Variants in EFEMP2 observed in about 807,000 individuals in gnomAD.
EFEMP2 encodes EGF-containing fibulin-like extracellular matrix protein 2.
In EFEMP2, 21 loss-of-function variants were observed where a neutral mutation model predicts 55.3. The observed-to-expected ratio is 0.38, with a 90% CI of 0.27 to 0.55. The LOEUF is 0.55. Among genes scored for constraint, EFEMP2 ranks in the 20% least tolerant of loss-of-function variants. The pLI, the probability that EFEMP2 is intolerant of heterozygous loss-of-function variation, is 0.77. For synonymous variants in EFEMP2, 275 were observed against 242.3 expected (o/e 1.14, Z -1.25); for missense variants, 513 against 615.1 (o/e 0.83, Z 1.76).
intron 1 of EFEMP2, 77 bp from the exon 2 acceptor site, chr11:65,872,438 C>T: frequency 4.8e-6 from 5 of 1,037,024 alleles, no homozygotes; most frequent in East Asian, 2.6e-5. Context: ...CCGAGCCCAG[C>T]CCCCGCCACT....
chr11:65,867,358 T>C (rs1859871428), intron 10 of EFEMP2: 3 of 534,170 alleles, frequency 5.6e-6, no homozygotes, highest in Non-Finnish European at 6.8e-6. Flanking sequence ...ATGTGGCTCT[T>C]GGGACTGGTG....
intron 10 of EFEMP2, chr11:65,867,356 C>G (rs980476297): frequency 1.9e-6 from 1 of 540,438 alleles, no homozygotes; most frequent in Admixed American, 3.1e-5. Flanking sequence ...ACATGTGGCT[C>G]TTGGGACTGG....
intron 3 of EFEMP2, 98 bp downstream of exon 3, chr11:65,871,872 T>C (rs1184253407): frequency 1.4e-6 from 2 of 1,454,758 alleles, no homozygotes; most frequent in Non-Finnish European, 1.9e-6. Context: ...GCTGCTGGGC[T>C]CCCACGGCAG....
At chr11:65,867,428 A>G in intron 10 of EFEMP2, 1 of 438,300 alleles carries the variant, frequency 2.3e-6, no homozygotes, top group Admixed American at 3.6e-5. Context: ...TCAAAAAGAA[A>G]GAGAAGGGCT....
At chr11:65,868,673 T>A (rs1390540040) in intron 7 of EFEMP2, 44 bp from the exon 8 acceptor site, 1 of 1,612,068 alleles carries the variant, frequency 6.2e-7, no homozygotes, top group Non-Finnish European at 8.5e-7. Flanking sequence ...AGGGCATTCC[T>A]CACCATTCAG....
chr11:65,869,542 C>A, intron 7 of EFEMP2: 1 of 409,290 alleles, frequency 2.4e-6, no homozygotes, highest in South Asian at 2.1e-5. Context: ...GAAACAGGCT[C>A]AGAGAGGAGT....
rs118107504 is a variant in EFEMP2, at chr11:65,868,248, C to T, written c.974+47G>A. The stretch of plus-strand genomic sequence containing the variant: ...TAGATGCCAGTCAGCCCCAAAGCCC[C>T]CTGGGAGACGTAGTTTCTGTGGGGG... On this transcript the variant is annotated intron_variant, in intron 9 of 10. Coordinates refer to ENST00000307998, the MANE Select transcript of EFEMP2 (RefSeq NM_016938.5). 0.014 allele frequency: 23,300 copies of T among 1,611,752 alleles called. 222 individuals carry two copies. The highest frequency in any genetic ancestry group is 0.018 in the Non-Finnish European group (20,757 of 1,179,688).
Position 65,870,611 on chromosome 11 carries a change from C to A in EFEMP2, c.415G>T (p.Asp139Tyr). The change falls in exon 5 of 11, where the codon GAC (aspartate) becomes TAC (tyrosine). Residue 139 changes from aspartate to tyrosine, a missense_variant. By Grantham distance (160) the Asp-to-Tyr change is radical. Transcript: ENST00000307998. ...QALHDCRPSQ[D>Y]CHNLPGSYQC... is the part of the protein sequence containing the mutation. ...TAGGAGCCAGGCAAGTTATGGCAGT[C>A]CTGGCTGGGGCGACAGTCGTGCAGG... 6.2e-7 allele frequency: 1 copy of A among 1,614,128 alleles called. No homozygotes were observed. Among genetic ancestry groups the A allele is most frequent in the Non-Finnish European group, 8.5e-7 (1 of 1,180,016 alleles).
chr11:65,869,976 T>G lies in EFEMP2; in HGVS notation c.608A>C (p.Asp203Ala), dbSNP rs193302864. ...QLGPNNRSCVDVNECDMGAPC... is the reference protein window; with the variant it reads ...QLGPNNRSCVAVNECDMGAPC... ...GGCCCCCATGTCACACTCGTTCACA[T>G]CTGGGGGTGCCAGGAAAAACAGGAG... Residue 203 changes from aspartate (D) to alanine (A), a missense_variant and splice_region_variant, in exon 7 of 11, where the codon GAT (aspartate) becomes GCT (alanine). Coordinates refer to ENST00000307998, the MANE Select transcript of EFEMP2 (RefSeq NM_016938.5). The G allele has an allele frequency of 1.2e-6, 2 of 1,613,790 alleles. No individual in the cohort carries two copies. Among genetic ancestry groups the G allele is most frequent in the South Asian group, 2.2e-5 (2 of 91,082 alleles).
chr11:65,867,588 G>A (rs1859876809), intron 10 of EFEMP2: 5 of 520,520 alleles, frequency 9.6e-6, no homozygotes, highest in East Asian at 3.6e-5. Context: ...CCCTGCACAC[G>A]CCATTCCCTT....
At position 65,867,060 on chromosome 11, in the gene EFEMP2, G is replaced by T; in HGVS notation, c.1190C>A (p.Ala397Asp). The T allele has an allele frequency of 3.1e-6, 5 of 1,614,116 alleles. No individual in the cohort carries two copies. The highest frequency in any genetic ancestry group is 4.2e-6 in the Non-Finnish European group (5 of 1,180,026). Reference protein sequence around the residue: ...FYIRQINNVSAMLVLARPVTG... With the variant: ...FYIRQINNVSDMLVLARPVTG... ...CACCGGCCGGGCGAGGACCAGCATGGCGCTGACGTTGTTGATTTGCTGCAG... is the reference window on the plus strand; with the variant it reads ...CACCGGCCGGGCGAGGACCAGCATGTCGCTGACGTTGTTGATTTGCTGCAG... The change falls in exon 11 of 11, where the codon GCC (alanine) becomes GAC (aspartate). Residue 397 changes from alanine (A) to aspartate (D), a missense_variant. Ala to Asp is a moderately radical substitution (Grantham distance 126, BLOSUM62 -2). Coordinates refer to ENST00000307998, the MANE Select transcript of EFEMP2 (RefSeq NM_016938.5).
At position 65,869,850 on chromosome 11, in the gene EFEMP2, C is replaced by G; in HGVS notation, c.727+7G>C. 6.2e-7 allele frequency: 1 copy of G among 1,613,828 alleles called. No homozygotes were observed. The highest frequency in any genetic ancestry group is 8.5e-7 in the Non-Finnish European group (1 of 1,179,982). On this transcript the variant is annotated splice_region_variant and intron_variant, in intron 7 of 10. Transcript: ENST00000307998. ...AGAGGAGTACACAGCAGGGATGGAG[C>G]TCTCACCACTGCAGGAGAAGCCATC...
chr11:65,867,793 C>A, intron 10 of EFEMP2, 68 bp downstream of exon 10: 1 of 1,569,910 alleles, frequency 6.4e-7, no homozygotes, highest in Non-Finnish European at 8.8e-7. Context: ...TGGCCGAGTT[C>A]CCCCTTAAGG....
chr11:65,872,549 C>T (rs966986908), intron 1 of EFEMP2, 134 bp downstream of exon 1: 7 of 461,548 alleles, frequency 1.5e-5, no homozygotes, highest in African/African-American at 1.5e-4. Flanking sequence ...CCACCCGCCC[C>T]GGCCACCCCG....
chr11:65,870,639 C>G lies in EFEMP2; in HGVS notation c.387G>C (p.Gln129His). The change falls in exon 5 of 11, where the codon CAG (glutamine) becomes CAC (histidine). Residue 129 changes from glutamine to histidine, a missense_variant. Gln to His is a conservative substitution (Grantham distance 24, BLOSUM62 0). Coordinates refer to ENST00000307998, the MANE Select transcript of EFEMP2 (RefSeq NM_016938.5). ...GGCTGGGGCGACAGTCGTGCAGGGC[C>G]TGGGCACACTCGTCCACATCTGCGA... Reference protein sequence around the residue: ...DSCVDVDECAQALHDCRPSQD... With the variant: ...DSCVDVDECAHALHDCRPSQD... 2 of 1,614,078 alleles carry G rather than the reference C, an allele frequency of 1.2e-6. No homozygotes were observed. Among genetic ancestry groups the G allele is most frequent in the Middle Eastern group, 1.6e-4 (1 of 6,062 alleles).
At position 65,867,995 on chromosome 11, in the gene EFEMP2, G is replaced by T; in HGVS notation, c.1036C>A (p.Arg346Ser). 6.2e-7 allele frequency: 1 copy of T among 1,614,060 alleles called. No homozygotes were observed. The highest frequency in any genetic ancestry group is 8.5e-7 in the Non-Finnish European group (1 of 1,180,026). Residue 346 changes from arginine to serine, a missense_variant, in exon 10 of 11, where the codon CGC (arginine) becomes AGC (serine). Arg to Ser is a moderately radical substitution (Grantham distance 110, BLOSUM62 -1). Transcript: ENST00000307998. Reference protein sequence around the residue: ...CREQPSSIVHRYMTITSERSV... With the variant: ...CREQPSSIVHSYMTITSERSV... ...CGCTCCGAGGTGATGGTCATGTAGC[G>T]GTGCACAATGGATGAAGGCTGCTCT...
rs752636416 is a variant in EFEMP2 at position 65,866,711 on chromosome 11, G to C, written c.*207C>G. ...AGCTCCTGTCAATGGGGGCCCCTGG[G>C]CCTGAACATATAGAGACCCCCATTT... On this transcript the variant is annotated 3_prime_UTR_variant, in exon 11 of 11. Transcript: ENST00000307998. 5 of 728,082 alleles carry C rather than the reference G, an allele frequency of 6.9e-6. No homozygotes were observed. Among genetic ancestry groups the C allele is most frequent in the South Asian group, 4.4e-5 (3 of 68,056 alleles). 45.1% of individuals were successfully genotyped at this position (728,082 alleles called of 1,614,324 possible).
At chr11:65,868,998 G>T in intron 7 of EFEMP2, 1 of 319,370 alleles carries the variant, frequency 3.1e-6, no homozygotes, top group Non-Finnish European at 6.1e-6. Context: ...CCCAATTCCT[G>T]CAACCCACAG....
intron 10 of EFEMP2, 89 bp downstream of exon 10, chr11:65,867,772 G>T: frequency 7.0e-7 from 1 of 1,426,252 alleles, no homozygotes; most frequent in Non-Finnish European, 9.8e-7. Context: ...GAGGGGTGGG[G>T]CATAGCAGCC....
Sources: gnomAD v4.1 joint callset for allele counts on GRCh38, gnomAD v4.1.1 for gene constraint, MANE v1.5 for transcripts, NCBI Gene and HGNC (gene_info 2026-07-23, HGNC 2026-07-21) for gene names.